Variants in ATP7B observed in about 807,000 individuals in gnomAD.
The protein encoded by ATP7B is copper-transporting ATPase 2.
ATP7B carries 113 observed loss-of-function variants against 118.9 expected under a neutral mutation model. The observed-to-expected ratio is 0.95, with a 90% confidence interval of 0.82 to 1.11. The LOEUF is 1.11. Ranked by LOEUF, ATP7B falls within the 50% of genes most tolerant of loss-of-function variation. The pLI, the probability that ATP7B is intolerant of heterozygous loss-of-function variation, is 0.00. For missense variants in ATP7B, 1,867 were observed against 1,871.4 expected, an observed-to-expected ratio of 1.00 and a Z score of 0.04; for synonymous variants, 777 against 727.4, an observed-to-expected ratio of 1.07 and a Z score of -1.10.
At chr13:51,977,231 A>ATTT (rs56182396) in intron 1 of ATP7B, among the ~76,000 whole-genome samples, 11 of 147,158 alleles carry the variant, frequency 7.5e-5, no homozygotes, top group Non-Finnish European at 1.5e-5. Context: ...TAAACGTTTA[A>ATTT]TTTTTTTTTT....
At chr13:51,992,370 C>T (rs1952959862) in intron 1 of ATP7B, among the ~76,000 whole-genome samples, 1 of 152,084 alleles carries the variant, frequency 6.6e-6, no homozygotes, top group African/African-American at 2.4e-5. Context: ...ATCAGACGGA[C>T]CTGGGATTAA....
upstream of ATP7B, chr13:52,012,042 GC>G: frequency 2.3e-6 from 1 of 426,680 alleles, no homozygotes; most frequent in African/African-American, 2.0e-5. Flanking sequence ...TCCGCTGTGC[GC>G]AAAGGCCAGC....
intron 1 of ATP7B, among the ~76,000 whole-genome samples, chr13:52,009,401 T>C (rs537947119): frequency 1.3e-5 from 2 of 152,194 alleles, no homozygotes; most frequent in Non-Finnish European, 2.9e-5. Flanking sequence ...GGCTGCTACC[T>C]GTGAGGTTTC....
intron 1 of ATP7B, among the ~76,000 whole-genome samples, chr13:51,976,913 T>C (rs768109062): frequency 6.6e-5 from 10 of 152,220 alleles, no homozygotes; most frequent in Non-Finnish European, 1.5e-4. Context: ...GTTGAGTAGA[T>C]GTGAAGACTT....
intron 1 of ATP7B, among the ~76,000 whole-genome samples, chr13:52,006,553 G>A (rs908430256): frequency 1.3e-5 from 2 of 152,136 alleles, no homozygotes; most frequent in African/African-American, 4.8e-5. Flanking sequence ...GGATGGGGAC[G>A]ATCATTTCCA....
intron 20 of ATP7B, 80 bp from the exon 21 acceptor site, chr13:51,935,109 T>C (rs1956882324): frequency 6.5e-6 from 10 of 1,537,160 alleles, no homozygotes; most frequent in Non-Finnish European, 8.8e-6. Flanking sequence ...TGAAGGCCTC[T>C]CATCCATCTT....
intron 3 of ATP7B, 77 bp from the exon 4 acceptor site, chr13:51,968,684 A>C (rs1383744319): frequency 2.0e-6 from 3 of 1,520,690 alleles, no homozygotes; most frequent in Admixed American, 1.7e-5. Context: ...ATAACCGAAC[A>C]AAGAAACACA....
chr13:51,933,444 T>C lies in ATP7B; in HGVS notation c.*1312A>G, dbSNP rs1390164903. The stretch of plus-strand genomic sequence containing the variant: ...CAATGAAAAAAATCACTAAAACTAT[T>C]TTGTGTGGGAGAAAAGGGTTTCACC... On this transcript the variant is annotated 3_prime_UTR_variant, in exon 21 of 21. Coordinates refer to ENST00000242839, the MANE Select transcript of ATP7B (RefSeq NM_000053.4). The C allele has an allele frequency of 1.3e-5, 2 of 152,188 alleles. No homozygotes were observed. Among genetic ancestry groups the C allele is most frequent in the African/African-American group, 4.8e-5 (2 of 41,444 alleles). The allele number at this position is 152,188 out of a possible 1,614,324, so 9.4% of individuals were successfully genotyped here.
intron 1 of ATP7B, chr13:51,978,859 T>C (rs1052608518): frequency 6.6e-6 from 1 of 152,240 alleles, no homozygotes; most frequent in Non-Finnish European, 1.5e-5. Context: ...GGAAAGCTTG[T>C]CTCTTCTCCA....
Position 51,950,263 on chromosome 13 carries a change from C to G in ATP7B, c.2575+9G>C, listed in dbSNP as rs1957914266. On this transcript the variant is annotated intron_variant, in intron 10 of 20. Coordinates refer to ENST00000242839, the MANE Select transcript of ATP7B (RefSeq NM_000053.4). Reference sequence around the variant, plus strand: ...TCCTCCTGAGGGAACATGAAACAAGCCATCTCACCTGTGATGAGGGACTCA... The same window carrying G: ...TCCTCCTGAGGGAACATGAAACAAGGCATCTCACCTGTGATGAGGGACTCA... 6.2e-7 allele frequency: 1 copy of G among 1,614,050 alleles called. No homozygotes were observed.
chr13:51,969,473 A>G (rs1332197539), intron 3 of ATP7B, among the ~76,000 whole-genome samples: 1 of 151,976 alleles, frequency 6.6e-6, no homozygotes, highest in Non-Finnish European at 1.5e-5. Context: ...ACTTTCATAC[A>G]AGGAAAAAAT....
intron 13 of ATP7B, among the ~76,000 whole-genome samples, chr13:51,945,429 G>A (rs1839717170): frequency 6.6e-6 from 1 of 152,160 alleles, no homozygotes; most frequent in Non-Finnish European, 1.5e-5. Flanking sequence ...CTCCACAGGT[G>A]CTTTCCACCT....
intron 1 of ATP7B, among the ~76,000 whole-genome samples, chr13:52,010,720 CTG>C (rs1725480982): frequency 1.3e-5 from 2 of 152,224 alleles, no homozygotes. Flanking sequence ...CAACTCAACA[CTG>C]TGTGCCTGAA....
At chr13:51,976,710 G>C (rs1222107274) in intron 1 of ATP7B, among the ~76,000 whole-genome samples, 2 of 152,188 alleles carry the variant, frequency 1.3e-5, no homozygotes, top group African/African-American at 4.8e-5. Context: ...TGTACAGCAT[G>C]TTACTGTACT....
chr13:51,941,702 T>A (rs139655559), intron 15 of ATP7B, among the ~76,000 whole-genome samples: 6 of 152,282 alleles, frequency 3.9e-5, no homozygotes, highest in Non-Finnish European at 7.4e-5. Context: ...ACCTATCACT[T>A]TCTAACAGCG....
rs76631441 is a variant in ATP7B at position 51,935,161 on chromosome 13, A to G, written c.4125-132T>C. On this transcript the variant is annotated intron_variant, in intron 20 of 20. Coordinates refer to ENST00000242839, the MANE Select transcript of ATP7B (RefSeq NM_000053.4). ...TCAAAACCTCAAGAGTTTCCAAGGA[A>G]AAGGACATTAAACTCCCTATGGTTC... The G allele has an allele frequency of 1.2e-3, 1,552 of 1,302,216 alleles. 17 individuals carry two copies. In the African/African-American group the frequency reaches 0.019, roughly 16 times the overall value. 80.7% of individuals were successfully genotyped at this position (1,302,216 alleles called of 1,614,324 possible). A position where few individuals can be genotyped will look rare whatever the true frequency, so the allele number is the denominator to read the frequency against.
intron 1 of ATP7B, among the ~76,000 whole-genome samples, chr13:51,979,170 G>A (rs910210114): frequency 6.6e-6 from 1 of 152,150 alleles, no homozygotes; most frequent in African/African-American, 2.4e-5. Context: ...AACACCCATT[G>A]GCCAAAACCA....
intron 9 of ATP7B, among the ~76,000 whole-genome samples, chr13:51,953,342 A>T (rs1290473948): frequency 6.6e-6 from 1 of 152,128 alleles, no homozygotes; most frequent in African/African-American, 2.4e-5. Flanking sequence ...AGACCCCAAG[A>T]ACTAAAGGTC....
In ATP7B at chr13:51,958,301, C is replaced by A. The variant is rs899078988; in HGVS notation, c.2355+10G>T. 1.2e-6 allele frequency: 2 copies of A among 1,613,678 alleles called. No individual in the cohort carries two copies. Among genetic ancestry groups the A allele is most frequent in the African/African-American group, 2.7e-5 (2 of 74,914 alleles). On this transcript the variant is annotated intron_variant, in intron 8 of 20. Coordinates refer to ENST00000242839, the MANE Select transcript of ATP7B (RefSeq NM_000053.4). ...GAGCAGCTCTTTTCTGAACCTGAAG[C>A]TGCTGTTACCTTTGCCAAGTGTTCC...
Sources: allele counts gnomAD v4.1 joint callset (sites outside exome capture counted in the v4.1 genomes callset), GRCh38; gene constraint gnomAD v4.1.1; transcripts MANE v1.5; gene names NCBI Gene and HGNC (gene_info 2026-07-23, HGNC 2026-07-21).